The following PRKCE variants were observed in gnomAD, a reference collection of about 807,000 sequenced individuals.
The protein encoded by PRKCE is protein kinase C epsilon.
In PRKCE, 16 loss-of-function variants were observed where a neutral mutation model predicts 85.4. The ratio of observed to expected loss-of-function variants is 0.19; its 90% CI spans 0.13 to 0.28. PRKCE has a LOEUF of 0.28. PRKCE is among the 10% of genes least tolerant of loss of function. The pLI is 1.00. For missense variants in PRKCE, 573 were observed against 975.2 expected (o/e 0.59, Z 5.49); for synonymous variants, 388 against 371.5 (o/e 1.04, Z -0.51).
At chr2:46,161,576 T>A (rs1467369756) in intron 14 of PRKCE, among the ~76,000 whole-genome samples, 3 of 151,838 alleles carry the variant, frequency 2.0e-5, no homozygotes, top group African/African-American at 7.3e-5. Context: ...CCCTTCCTGC[T>A]TGGGGAAGAG....
At chr2:45,756,916 G>C (rs1000192892) in intron 1 of PRKCE, among the ~76,000 whole-genome samples, 23 of 152,204 alleles carry the variant, frequency 1.5e-4, no homozygotes, top group African/African-American at 5.5e-4. Context: ...GGTTTCACAG[G>C]GGTATATGTG....
At chr2:45,965,177 C>A (rs1558894162) in intron 2 of PRKCE, among the ~76,000 whole-genome samples, 1 of 152,194 alleles carries the variant, frequency 6.6e-6, no homozygotes, top group Non-Finnish European at 1.5e-5. Flanking sequence ...GTTGCTGTTT[C>A]CTCTTTCCTG....
At chr2:45,698,365 T>TG (rs1315722785) in intron 1 of PRKCE, among the ~76,000 whole-genome samples, 2 of 151,894 alleles carry the variant, frequency 1.3e-5, no homozygotes, top group African/African-American at 4.8e-5. Context: ...AATTTCCAGT[T>TG]GGGGGTGAAA....
Position 45,812,774 on chromosome 2 carries a change from G to A in PRKCE, c.349-30226G>A, listed in dbSNP as rs139850877. ...GGGACTGGATCCCATAGCAGTAGTG[G>A]TGGTGGTAAGAATAGAAGTAGAATT... is the stretch of plus-strand genomic sequence containing the variant. On this transcript the variant is annotated intron_variant, in intron 1 of 14. Coordinates refer to ENST00000306156, the MANE Select transcript of PRKCE (RefSeq NM_005400.3). Among the ~76,000 whole-genome samples, 1,052 of 152,358 alleles carry A rather than the reference G, an allele frequency of 6.9e-3. 3 individuals carry two copies. The highest frequency in any genetic ancestry group is 0.015 in the African/African-American group (606 of 41,582).
At chr2:45,823,171 A>C (rs1159815867) in intron 1 of PRKCE, among the ~76,000 whole-genome samples, 3 of 152,214 alleles carry the variant, frequency 2.0e-5, no homozygotes, top group Non-Finnish European at 4.4e-5. Context: ...AATGGACTCC[A>C]CTAGGGCTTT....
chr2:45,797,852 G>T (rs968043631), intron 1 of PRKCE, among the ~76,000 whole-genome samples: 4 of 152,192 alleles, frequency 2.6e-5, no homozygotes, highest in African/African-American at 9.6e-5. Flanking sequence ...TAAAGGTTGA[G>T]GGGATCCAGG....
Position 46,026,036 on chromosome 2 carries a change from T to C in PRKCE, c.1437+15519T>C, listed in dbSNP as rs115792715. 4.3e-3 allele frequency among the ~76,000 whole-genome samples: 653 copies of C among 152,344 alleles called. 2 individuals carry two copies. The highest frequency in any genetic ancestry group is 0.015 in the African/African-American group (628 of 41,580). ...TGAAAATGATCAATAGATATGATTC[T>C]TGTGCATCCATATCCCAGGAAGGAG... On this transcript the variant is annotated intron_variant, in intron 10 of 14. Transcript: ENST00000306156.
chr2:46,102,774 G>C (rs1671360447), intron 11 of PRKCE, among the ~76,000 whole-genome samples: 1 of 152,152 alleles, frequency 6.6e-6, no homozygotes, highest in Non-Finnish European at 1.5e-5. Flanking sequence ...TCTGATTATG[G>C]ATTAGACAGG....
chr2:45,845,079 T>A (rs1039363452), intron 2 of PRKCE, among the ~76,000 whole-genome samples: 7 of 151,028 alleles, frequency 4.6e-5, no homozygotes, highest in African/African-American at 7.3e-5. Flanking sequence ...TTTTTTTTTT[T>A]AAATTGCTGT....
intron 2 of PRKCE, among the ~76,000 whole-genome samples, chr2:45,896,415 C>G (rs1696145613): frequency 6.6e-6 from 1 of 152,166 alleles, no homozygotes; most frequent in African/African-American, 2.4e-5. Flanking sequence ...AGTTTTTGCT[C>G]CATTCTGTCT....
intron 1 of PRKCE, among the ~76,000 whole-genome samples, chr2:45,737,005 G>A (rs1423538172): frequency 1.3e-5 from 2 of 152,196 alleles, no homozygotes; most frequent in African/African-American, 2.4e-5. Context: ...AAAGGGAGCT[G>A]CCGCCTTCAG....
At position 46,155,063 on chromosome 2, in the gene PRKCE, C is replaced by A. The variant is rs1314188628; in HGVS notation, c.1920+3834C>A. Among the ~76,000 whole-genome samples, 2 of 152,130 alleles carry A rather than the reference C, an allele frequency of 1.3e-5. No individual in the cohort carries two copies. The highest frequency in any genetic ancestry group is 2.9e-5 in the Non-Finnish European group (2 of 67,998). On this transcript the variant is annotated intron_variant, in intron 13 of 14. Coordinates refer to ENST00000306156, the MANE Select transcript of PRKCE (RefSeq NM_005400.3). This position sits in a 1 kb window ranked among gnomAD's most constrained non-coding sequence, Gnocchi z 4.7. ...TTCAAAGTTAAATGCCTGCAAGAGC[C>A]CAGCAGGAGCTGTGGAAGGTGAACA...
At chr2:46,086,724 A>C (rs1367675427) in intron 11 of PRKCE, among the ~76,000 whole-genome samples, 1 of 152,048 alleles carries the variant, frequency 6.6e-6, no homozygotes, top group Non-Finnish European at 1.5e-5. Flanking sequence ...TGTGCCATGA[A>C]CTTCCTCCCC....
rs1686636390 is a variant in PRKCE at position 45,786,832 on chromosome 2, T to G, written c.349-56168T>G. 6.6e-6 allele frequency among the ~76,000 whole-genome samples: 1 copy of G among 152,158 alleles called. No individual in the cohort carries two copies. The highest frequency in any genetic ancestry group is 2.4e-5 in the African/African-American group (1 of 41,426). Reference sequence around the variant, plus strand: ...TTTTACAGAGGTGGAAACCGAGGGTTTAGACAGCTGAAGTAACTTGCACAA... The same window carrying G: ...TTTTACAGAGGTGGAAACCGAGGGTGTAGACAGCTGAAGTAACTTGCACAA... On this transcript the variant is annotated intron_variant, in intron 1 of 14. Transcript: ENST00000306156. This position sits in a 1 kb window ranked among gnomAD's most constrained non-coding sequence, Gnocchi z 5.3.
Position 45,883,857 on chromosome 2 carries a change from G to C in PRKCE, c.412+40794G>C, listed in dbSNP as rs532320219. ...GGGAAACTCCCTTTTCTCTGCCTGG[G>C]GAGGGGCTTGGGCTTTGGGGAGAAG... On this transcript the variant is annotated intron_variant, in intron 2 of 14. Coordinates refer to ENST00000306156, the MANE Select transcript of PRKCE (RefSeq NM_005400.3). Among the ~76,000 whole-genome samples, 3 of 152,328 alleles carry C rather than the reference G, an allele frequency of 2.0e-5. No individual in the cohort carries two copies. In the South Asian group the frequency reaches 6.2e-4, roughly 32 times the overall value.
At chr2:46,122,867 G>A (rs1048605583) in intron 11 of PRKCE, among the ~76,000 whole-genome samples, 3 of 147,466 alleles carry the variant, frequency 2.0e-5, no homozygotes, top group African/African-American at 5.1e-5. Context: ...GCTTTTTCTG[G>A]CACAACAGTC....
rs553265386 is a variant in PRKCE, at chr2:45,971,791, C to T, written c.413-4638C>T. Among the ~76,000 whole-genome samples, 3 of 152,320 alleles carry T rather than the reference C, an allele frequency of 2.0e-5. No individual in the cohort carries two copies. The East Asian group carries it at 5.8e-4, about 29-fold the overall frequency. ...TGTTTTCTAAGTAGTTGGAACATAC[C>T]TTTCCGCCTTGTGTTTTCTTTTGTG... On this transcript the variant is annotated intron_variant, in intron 2 of 14. Transcript: ENST00000306156.
At chr2:45,878,852 C>A (rs1197368039) in intron 2 of PRKCE, among the ~76,000 whole-genome samples, 1 of 152,136 alleles carries the variant, frequency 6.6e-6, no homozygotes, top group African/African-American at 2.4e-5. Context: ...TCTCCTCATG[C>A]TGGCAATTGA....
At chr2:46,010,224 T>A in intron 9 of PRKCE, 120 bp from the exon 10 acceptor site, 2 of 1,160,536 alleles carry the variant, frequency 1.7e-6, no homozygotes, top group Middle Eastern at 2.1e-4. Context: ...CCAGGCTTGT[T>A]ATAATATTTA....
Sources: gnomAD v4.1 joint callset for allele counts (sites outside exome capture counted in the v4.1 genomes callset) on GRCh38, gnomAD v4.1.1 for gene constraint, Gnocchi (gnomAD v3.1) non-coding constraint, MANE v1.5 for transcripts, NCBI Gene and HGNC (gene_info 2026-07-23, HGNC 2026-07-21) for gene names.